The following MACROD2 variants were observed in gnomAD, a reference collection of about 807,000 sequenced individuals.
The protein encoded by MACROD2 is ADP-ribose glycohydrolase MACROD2.
Under a neutral mutation model 70.4 loss-of-function variants are expected in MACROD2, and 36 were observed. That is an observed-to-expected ratio of 0.51 (90% confidence interval 0.39 to 0.68). The LOEUF (loss-of-function observed/expected upper bound fraction) is 0.68. Ranked by LOEUF, MACROD2 falls within the 30% of genes least tolerant of loss-of-function variation. The pLI is 0.00. For synonymous variants in MACROD2, 172 were observed against 178.8 expected, an observed-to-expected ratio of 0.96 and a Z score of 0.30; for missense variants, 496 against 538.4, an observed-to-expected ratio of 0.92 and a Z score of 0.78.
At chr20:14,511,689 C>T (rs1039297679) in intron 4 of MACROD2, among the ~76,000 whole-genome samples, 1 of 151,344 alleles carries the variant, frequency 6.6e-6, no homozygotes, top group Non-Finnish European at 1.5e-5. Flanking sequence ...GAAAAGACAA[C>T]CCTAGAACCC....
rs537876687 is a variant in MACROD2, at chr20:14,704,955, C to T, written c.418+19996C>T. Among the ~76,000 whole-genome samples the T allele has an allele frequency of 1.3e-3, 195 of 148,932 alleles. 1 individual carries two copies. The highest frequency in any genetic ancestry group is 0.012 in the Admixed American group (176 of 14,908). ...GGCAAGGAACCTCTCTTGTGTCTCT[C>T]TTTTTTTTTTCAATACATTTAATAG... On this transcript the variant is annotated intron_variant, in intron 5 of 17. Coordinates refer to ENST00000684519, the MANE Select transcript of MACROD2 (RefSeq NM_001351661.2).
chr20:15,234,963 C>T (rs938266907), intron 6 of MACROD2, among the ~76,000 whole-genome samples: 1 of 151,928 alleles, frequency 6.6e-6, no homozygotes, highest in African/African-American at 2.4e-5. Context: ...CTTCTGTTTC[C>T]CTTCTTTTAA....
In MACROD2 at chr20:14,131,226, A is replaced by T. The variant is rs149733081; in HGVS notation, c.271+45498A>T. Among the ~76,000 whole-genome samples, 24 of 152,332 alleles carry T rather than the reference A, an allele frequency of 1.6e-4. No homozygotes were observed. The East Asian group carries it at 4.2e-3, about 27-fold the overall frequency. ...TACTCTTCACTTGAGCAGGGGATAA[A>T]GAGTTGTTTTCTGAAGTTTGGCTTG... On this transcript the variant is annotated intron_variant, in intron 3 of 17. Coordinates refer to ENST00000684519, the MANE Select transcript of MACROD2 (RefSeq NM_001351661.2).
chr20:15,029,747 A>G (rs879899247), intron 5 of MACROD2, among the ~76,000 whole-genome samples: 5 of 152,196 alleles, frequency 3.3e-5, no homozygotes, highest in South Asian at 4.1e-4. Context: ...TATCAGGAAA[A>G]GAGGTTTATT....
chr20:14,156,552 G>A (rs532669386), intron 3 of MACROD2, among the ~76,000 whole-genome samples: 1 of 152,238 alleles, frequency 6.6e-6, no homozygotes, highest in Admixed American at 6.5e-5. Context: ...ATCGTCAGTG[G>A]CAAGCCAGAT....
At chr20:14,238,621 C>A (rs1468383728) in intron 3 of MACROD2, among the ~76,000 whole-genome samples, 1 of 152,116 alleles carries the variant, frequency 6.6e-6, no homozygotes, top group Non-Finnish European at 1.5e-5. Flanking sequence ...CAAACTATTC[C>A]TTTTTGCAGA....
chr20:16,000,235 C>A (rs1459042740), intron 15 of MACROD2, among the ~76,000 whole-genome samples: 1 of 152,208 alleles, frequency 6.6e-6, no homozygotes, highest in Non-Finnish European at 1.5e-5. Flanking sequence ...TACAATAACT[C>A]TCAAATTATG....
At chr20:15,151,134 G>C (rs563104567) in intron 5 of MACROD2, among the ~76,000 whole-genome samples, 1 of 152,220 alleles carries the variant, frequency 6.6e-6, no homozygotes, top group East Asian at 1.9e-4. Flanking sequence ...GTCAGTCAGA[G>C]AGCCTTGGGC....
At chr20:15,223,002 T>G (rs1363605806) in intron 5 of MACROD2, among the ~76,000 whole-genome samples, 1 of 152,202 alleles carries the variant, frequency 6.6e-6, no homozygotes, top group African/African-American at 2.4e-5. Flanking sequence ...TTATATCCTA[T>G]CCTCCTTTTC....
At chr20:15,270,396 A>G (rs2077335908) in intron 6 of MACROD2, among the ~76,000 whole-genome samples, 1 of 152,198 alleles carries the variant, frequency 6.6e-6, no homozygotes, top group African/African-American at 2.4e-5. Context: ...TTGATATAAT[A>G]TTAACAAAAA....
rs201628703 is a variant in MACROD2, at chr20:15,155,794, T to G, written c.419-74146T>G. 2.0e-5 allele frequency among the ~76,000 whole-genome samples: 3 copies of G among 152,140 alleles called. No individual in the cohort carries two copies. The East Asian group carries it at 5.8e-4, about 29-fold the overall frequency. ...AAAAAAGAGACATAGGTGGTGATCT[T>G]CCTTAGAACTATAATCTCTGTATTT... On this transcript the variant is annotated intron_variant, in intron 5 of 17. Coordinates refer to ENST00000684519, the MANE Select transcript of MACROD2 (RefSeq NM_001351661.2).
chr20:15,087,686 C>T (rs112070449), intron 5 of MACROD2, among the ~76,000 whole-genome samples: 27 of 151,738 alleles, frequency 1.8e-4, no homozygotes, highest in Non-Finnish European at 3.1e-4. Flanking sequence ...TAAAAAGGTG[C>T]GATACATATT....
intron 6 of MACROD2, among the ~76,000 whole-genome samples, chr20:15,429,602 A>C (rs1246522725): frequency 6.6e-6 from 1 of 152,142 alleles, no homozygotes; most frequent in Non-Finnish European, 1.5e-5. Context: ...AATAAAAGGC[A>C]GTACACATTT....
intron 8 of MACROD2, among the ~76,000 whole-genome samples, chr20:15,806,544 G>A (rs1338343368): frequency 6.6e-6 from 1 of 151,836 alleles, no homozygotes; most frequent in Non-Finnish European, 1.5e-5. Context: ...AGAAAACAGA[G>A]TGATCTTACA....
At chr20:14,399,949 C>G (rs750897950) in intron 3 of MACROD2, among the ~76,000 whole-genome samples, 8 of 152,074 alleles carry the variant, frequency 5.3e-5, no homozygotes, top group Non-Finnish European at 7.4e-5. Flanking sequence ...ATTTAACATG[C>G]TTAATCTTTC....
chr20:14,942,903 G>A (rs1055512130), intron 5 of MACROD2, among the ~76,000 whole-genome samples: 4 of 152,090 alleles, frequency 2.6e-5, no homozygotes, highest in Admixed American at 6.5e-5. Context: ...TTGCAAAGAC[G>A]GACAGCCATT....
At chr20:15,424,919 A>G (rs1761283319) in intron 6 of MACROD2, among the ~76,000 whole-genome samples, 1 of 152,218 alleles carries the variant, frequency 6.6e-6, no homozygotes, top group African/African-American at 2.4e-5. Flanking sequence ...TGGCTGGGCA[A>G]CTGCCATCCC....
intron 8 of MACROD2, among the ~76,000 whole-genome samples, chr20:15,621,041 T>G (rs2049117631): frequency 6.6e-6 from 1 of 152,176 alleles, no homozygotes; most frequent in African/African-American, 2.4e-5. Flanking sequence ...GAACATCATC[T>G]GGCCCAGAAG....
At chr20:15,565,294 G>A (rs1467152940) in intron 8 of MACROD2, among the ~76,000 whole-genome samples, 4 of 152,130 alleles carry the variant, frequency 2.6e-5, no homozygotes, top group East Asian at 1.9e-4. Context: ...AGGTAAACAC[G>A]CAAGGAGTCT....
Sources: allele counts gnomAD v4.1 joint callset (sites outside exome capture counted in the v4.1 genomes callset), GRCh38; gene constraint gnomAD v4.1.1; transcripts MANE v1.5; gene names NCBI Gene and HGNC (gene_info 2026-07-23, HGNC 2026-07-21).